LPL: variants seen among roughly 807,000 people sequenced by gnomAD.
LPL encodes the protein phospholipase A1.
Under a neutral mutation model 52.2 loss-of-function variants are expected in LPL, and 43 were observed. That is an observed-to-expected ratio of 0.82 (90% confidence interval 0.64 to 1.06). LPL has a LOEUF of 1.06. LPL is among the 50% of genes least tolerant of loss of function. The pLI is 0.00. For missense variants in LPL, 639 were observed against 585.3 expected (o/e 1.09, Z -0.95); for synonymous variants, 244 against 215.6 (o/e 1.13, Z -1.15).
In LPL at chr8:19,944,339, T is replaced by A. The variant is rs2069865653; in HGVS notation, c.89-3841T>A. Among the ~76,000 whole-genome samples the A allele has an allele frequency of 6.6e-6, 1 of 152,076 alleles. No individual in the cohort carries two copies. The highest frequency in any genetic ancestry group is 2.4e-5 in the African/African-American group (1 of 41,394). ...TCACCAAATCGACCACATCAGTAATTCACTTTGTTCTTCGATATCCTACAG... is the reference window on the plus strand; with the variant it reads ...TCACCAAATCGACCACATCAGTAATACACTTTGTTCTTCGATATCCTACAG... On this transcript the variant is annotated intron_variant, in intron 1 of 9. Coordinates refer to ENST00000650287, the MANE Select transcript of LPL (RefSeq NM_000237.3). The surrounding 1 kb of genome is among the most constrained non-coding windows in gnomAD (Gnocchi z 4.2).
chr8:19,948,280 C>T lies in LPL; in HGVS notation c.189C>T (p.Ser63=), dbSNP rs114726797. 286 of 1,614,090 alleles carry T rather than the reference C, an allele frequency of 1.8e-4. No individual in the cohort carries two copies. Among genetic ancestry groups the T allele is most frequent in the Non-Finnish European group, 2.0e-4 (236 of 1,180,010 alleles). ...ACCTCATTCCCGGAGTAGCAGAGTC[C>T]GTGGCTACCTGTCATTTCAATCACA... The part of the protein sequence containing the change: ...TCHLIPGVAE[S]VATCHFNHSS... The change falls in exon 2 of 10, where the codon TCC becomes TCT. Residue 63 remains serine, a synonymous_variant. Coordinates refer to ENST00000650287, the MANE Select transcript of LPL (RefSeq NM_000237.3).
intron 1 of LPL, among the ~76,000 whole-genome samples, chr8:19,947,732 A>G (rs1169508171): frequency 6.9e-6 from 1 of 144,722 alleles, no homozygotes; most frequent in African/African-American, 2.6e-5. Flanking sequence ...AGTGTTCTCC[A>G]CGAAAGCAAG....
intron 1 of LPL, among the ~76,000 whole-genome samples, chr8:19,943,024 C>T (rs138649103): frequency 2.0e-5 from 3 of 152,288 alleles, no homozygotes; most frequent in East Asian, 1.9e-4. Context: ...AAACGTCTCC[C>T]ACCATTATTT....
chr8:19,955,056 C>G (rs2069971566), intron 5 of LPL, among the ~76,000 whole-genome samples: 2 of 152,086 alleles, frequency 1.3e-5, no homozygotes, highest in Non-Finnish European at 2.9e-5. Flanking sequence ...TGGGACCTAC[C>G]TAGGATATTC....
intron 6 of LPL, among the ~76,000 whole-genome samples, chr8:19,958,022 T>TTATC (rs1181333099): frequency 1.3e-5 from 2 of 150,186 alleles, no homozygotes. Context: ...ATTTATTTAT[T>TTATC]TATTTATTTA....
intron 5 of LPL, among the ~76,000 whole-genome samples, chr8:19,955,624 T>G (rs967063372): frequency 6.6e-6 from 1 of 152,070 alleles, no homozygotes; most frequent in Non-Finnish European, 1.5e-5. Context: ...AGTCAAAAAT[T>G]CCCTGTGAAC....
intron 8 of LPL, 55 bp from the exon 9 acceptor site, chr8:19,962,060 G>T: frequency 1.7e-6 from 2 of 1,182,236 alleles, no homozygotes; most frequent in Non-Finnish European, 2.5e-6. Context: ...GTACCTTTGT[G>T]AACAGTGCTT....
chr8:19,959,516 GTCTTT>G, intron 7 of LPL, 136 bp downstream of exon 7: 1 of 1,113,780 alleles, frequency 9.0e-7, no homozygotes. Flanking sequence ...CAAAATTGAG[GTCTTT>G]CCTCTATTTG....
intron 1 of LPL, among the ~76,000 whole-genome samples, chr8:19,943,582 T>C (rs2069858648): frequency 6.6e-6 from 1 of 152,208 alleles, no homozygotes; most frequent in Non-Finnish European, 1.5e-5. Context: ...AAGAAAGTAG[T>C]CTCAGATTAA....
chr8:19,960,086 G>T (rs1020473719), intron 7 of LPL, among the ~76,000 whole-genome samples: 5 of 151,898 alleles, frequency 3.3e-5, no homozygotes, highest in Non-Finnish European at 7.4e-5. Context: ...ACCATGCCCA[G>T]CCTACCCTTT....
intron 2 of LPL, 65 bp from the exon 3 acceptor site, chr8:19,951,703 TG>T: frequency 1.9e-6 from 3 of 1,561,874 alleles, no homozygotes; most frequent in Non-Finnish European, 2.6e-6. Context: ...GCAGGTGTAT[TG>T]GGCTGATGTA....
At chr8:19,957,624 G>A (rs2069998341) in intron 6 of LPL, among the ~76,000 whole-genome samples, 2 of 152,310 alleles carry the variant, frequency 1.3e-5, no homozygotes, top group African/African-American at 2.4e-5. Context: ...GGCCTGTCCT[G>A]CTGCCTGCAA....
intron 6 of LPL, among the ~76,000 whole-genome samples, chr8:19,957,038 G>A (rs990245154): frequency 1.3e-5 from 2 of 152,128 alleles, no homozygotes; most frequent in Non-Finnish European, 2.9e-5. Flanking sequence ...TGACCAGGCT[G>A]GTCTCGAACT....
intron 1 of LPL, among the ~76,000 whole-genome samples, chr8:19,940,479 T>C (rs2069826251): frequency 6.6e-6 from 1 of 152,224 alleles, no homozygotes; most frequent in African/African-American, 2.4e-5. Context: ...GCCCGCTCGC[T>C]GGGGTCCAGG....
rs991437666 is a variant in LPL, at chr8:19,966,423, A to G, written c.*1113A>G. The G allele has an allele frequency of 2.0e-5, 3 of 152,206 alleles. No homozygotes were observed. Among genetic ancestry groups the G allele is most frequent in the African/African-American group, 7.2e-5 (3 of 41,448 alleles). The allele number at this position is 152,206 out of a possible 1,614,324, so 9.4% of individuals were successfully genotyped here. ...CAGTGCTTGTAAACCATCGCGTGCA[A>G]TGAGCCAGATGGAGTACCATGAGGG... On this transcript the variant is annotated 3_prime_UTR_variant, in exon 10 of 10. Transcript: ENST00000650287.
intron 9 of LPL, among the ~76,000 whole-genome samples, chr8:19,963,934 G>A (rs913595318): frequency 6.6e-6 from 1 of 151,474 alleles, no homozygotes; most frequent in Non-Finnish European, 1.5e-5. Flanking sequence ...ACTTTTAGAT[G>A]AAGTTTTTTT....
rs1380931578 is a variant in LPL at position 19,944,213 on chromosome 8, T to C, written c.89-3967T>C. On this transcript the variant is annotated intron_variant, in intron 1 of 9. Transcript: ENST00000650287. The surrounding 1 kb of genome is among the most constrained non-coding windows in gnomAD (Gnocchi z 4.2). ...AAAATAATAATAAAATAAAATGAAATAAAGTAAAGCTGCATGTTAGAGAAG... is the reference window on the plus strand; with the variant it reads ...AAAATAATAATAAAATAAAATGAAACAAAGTAAAGCTGCATGTTAGAGAAG... 6.6e-6 allele frequency among the ~76,000 whole-genome samples: 1 copy of C among 152,004 alleles called. No individual in the cohort carries two copies. The highest frequency in any genetic ancestry group is 1.5e-5 in the Non-Finnish European group (1 of 67,994).
Position 19,966,089 on chromosome 8 carries a change from T to C in LPL, c.*779T>C, listed in dbSNP as rs1310060711. 1 of 151,986 alleles carries C rather than the reference T, an allele frequency of 6.6e-6. No homozygotes were observed. Among genetic ancestry groups the C allele is most frequent in the African/African-American group, 2.4e-5 (1 of 41,376 alleles). The allele number at this position is 151,986 out of a possible 1,614,324, so 9.4% of individuals were successfully genotyped here. On this transcript the variant is annotated 3_prime_UTR_variant, in exon 10 of 10. Transcript: ENST00000650287. ...TGGGTAGGTGTTGAAAATGAGCCTG[T>C]AATCCTCAGCTGACACATAATTTGA...
At chr8:19,957,044 G>A (rs535541546) in intron 6 of LPL, among the ~76,000 whole-genome samples, 66 of 152,224 alleles carry the variant, frequency 4.3e-4, no homozygotes, top group African/African-American at 1.5e-3. Flanking sequence ...GGCTGGTCTC[G>A]AACTGCTGAC....
Sources: allele counts gnomAD v4.1 joint callset (sites outside exome capture counted in the v4.1 genomes callset), GRCh38; gene constraint gnomAD v4.1.1; non-coding constraint Gnocchi (gnomAD v3.1); transcripts MANE v1.5; gene names NCBI Gene and HGNC (gene_info 2026-07-23, HGNC 2026-07-21).